SPCS3: variants seen among roughly 807,000 people sequenced by gnomAD.
SPCS3 encodes the protein signal peptidase complex subunit 3, also known as SPase 22 kDa subunit.
SPCS3 carries 9 observed loss-of-function variants against 17.2 expected under a neutral mutation model. The observed-to-expected ratio is 0.52, with a 90% CI of 0.31 to 0.91. The LOEUF is 0.91. SPCS3 is among the 40% of genes least tolerant of loss of function. The probability of loss-of-function intolerance (pLI) is 0.04; values close to 1 mark genes in which losing one functional copy is unlikely to be tolerated. For synonymous variants in SPCS3, 87 were observed against 89.6 expected, an observed-to-expected ratio of 0.97 and a Z score of 0.16; for missense variants, 139 against 217.5, an observed-to-expected ratio of 0.64 and a Z score of 2.27.
chr4:176,321,869 A>C, intron 1 of SPCS3: 1 of 205,868 alleles, frequency 4.9e-6, no homozygotes, highest in Non-Finnish European at 9.8e-6. Context: ...GCTTTCTTCT[A>C]CCCATTCTGC....
At chr4:176,326,174 G>A (rs377230957) in intron 3 of SPCS3, among the ~76,000 whole-genome samples, 7 of 151,824 alleles carry the variant, frequency 4.6e-5, no homozygotes, top group East Asian at 3.9e-4. Context: ...AGTGGTGCGC[G>A]CCTGTAATCC....
chr4:176,320,920 TGAA>T (rs1250456985), intron 1 of SPCS3: 8 of 152,208 alleles, frequency 5.3e-5, no homozygotes, highest in Non-Finnish European at 1.5e-5. Flanking sequence ...GCCAACCACT[TGAA>T]GAAGTCTGCG....
At chr4:176,326,534 A>G (rs1731610101) in intron 3 of SPCS3, among the ~76,000 whole-genome samples, 1 of 152,192 alleles carries the variant, frequency 6.6e-6, no homozygotes, top group Non-Finnish European at 1.5e-5. Context: ...TCTGACCTCT[A>G]GAATTTTGCC....
intron 1 of SPCS3, chr4:176,321,286 A>G (rs544467647): frequency 4.6e-5 from 7 of 152,224 alleles, no homozygotes; most frequent in Admixed American, 4.6e-4. Context: ...GGTGCATATT[A>G]AACACTGAAC....
intron 1 of SPCS3, chr4:176,320,449 C>G: frequency 7.0e-6 from 2 of 286,356 alleles, no homozygotes; most frequent in Non-Finnish European, 1.3e-5. Flanking sequence ...CGGGCTTGCT[C>G]TTAAATTTTA....
chr4:176,327,438 T>G, intron 4 of SPCS3, 161 bp downstream of exon 4: 1 of 465,622 alleles, frequency 2.1e-6, no homozygotes, highest in Non-Finnish European at 3.9e-6. Context: ...AAATGCAAAG[T>G]GAGATCTAAG....
chr4:176,330,114 A>G lies in SPCS3; in HGVS notation c.*1784A>G, dbSNP rs1731663911. The G allele has an allele frequency of 6.6e-6, 1 of 152,208 alleles. No individual in the cohort carries two copies. Among genetic ancestry groups the G allele is most frequent in the African/African-American group, 2.4e-5 (1 of 41,454 alleles). The allele number at this position is 152,208 out of a possible 1,614,324, so 9.4% of individuals were successfully genotyped here. On this transcript the variant is annotated 3_prime_UTR_variant, in exon 5 of 5. Transcript: ENST00000503362. ...CCTTTTACACCACACAAGTTGATAA[A>G]ATTTATCTGTTCAGCAAAGAGATTG... is the stretch of plus-strand genomic sequence containing the variant.
At chr4:176,321,573 C>T (rs1731539105) in intron 1 of SPCS3, 1 of 152,214 alleles carries the variant, frequency 6.6e-6, no homozygotes, top group Admixed American at 6.5e-5. Flanking sequence ...TTTTCCTATA[C>T]CGTACATACA....
chr4:176,321,118 A>C (rs1731532143), intron 1 of SPCS3: 1 of 151,044 alleles, frequency 6.6e-6, no homozygotes, highest in Admixed American at 6.6e-5. Flanking sequence ...CTTTGTCAGA[A>C]TCGCCAAGAA....
At chr4:176,320,715 G>A (rs1221973559) in intron 1 of SPCS3, 2 of 152,586 alleles carry the variant, frequency 1.3e-5, no homozygotes, top group Non-Finnish European at 2.9e-5. Flanking sequence ...TTGTCTTTGT[G>A]TCATTCATCA....
At chr4:176,324,892 C>A (rs1285683142) in intron 3 of SPCS3, among the ~76,000 whole-genome samples, 5 of 152,022 alleles carry the variant, frequency 3.3e-5, no homozygotes, top group Non-Finnish European at 5.9e-5. Flanking sequence ...TAAAAAAACA[C>A]AAAGACAACC....
rs1303676981 is a variant in SPCS3, at chr4:176,331,380, T to C, written c.*3050T>C. Reference sequence around the variant, plus strand: ...TGAACATTGGTAGCAAACAAGCATATATTCATTTCAAAACTTTCCTTGCTT... The same window carrying C: ...TGAACATTGGTAGCAAACAAGCATACATTCATTTCAAAACTTTCCTTGCTT... On this transcript the variant is annotated 3_prime_UTR_variant, in exon 5 of 5. Transcript: ENST00000503362. 6.6e-6 allele frequency: 1 copy of C among 152,128 alleles called. No individual in the cohort carries two copies. The highest frequency in any genetic ancestry group is 1.5e-5 in the Non-Finnish European group (1 of 68,026). 9.4% of individuals were successfully genotyped at this position (152,128 alleles called of 1,614,324 possible).
At chr4:176,327,873 A>G (rs1579359415) in intron 4 of SPCS3, among the ~76,000 whole-genome samples, 1 of 152,222 alleles carries the variant, frequency 6.6e-6, no homozygotes, top group East Asian at 1.9e-4. Context: ...TTAGGCTTCA[A>G]ATCATTGCTC....
chr4:176,325,072 A>T (rs1401077228), intron 3 of SPCS3, among the ~76,000 whole-genome samples: 1 of 142,108 alleles, frequency 7.0e-6, no homozygotes, highest in South Asian at 2.2e-4. Flanking sequence ...TTTTTTTAAG[A>T]CAGAGTCTCG....
In SPCS3 at chr4:176,328,436, GTTTT is replaced by G. The variant is rs55821823; in HGVS notation, c.*122_*125del. 3.2e-3 allele frequency: 1,498 copies of G among 473,606 alleles called. 11 individuals are homozygous for G. Among genetic ancestry groups the G allele is most frequent in the Non-Finnish European group, 3.6e-3 (1,176 of 330,470 alleles). 29.3% of individuals were successfully genotyped at this position (473,606 alleles called of 1,614,324 possible). Reference sequence around the variant, plus strand: ...TTGTTGGTTTGTTTTTTGGTTTTGGGTTTTTTTTTTTTTTTTTTTGGTATAAGAA... The same window carrying G: ...TTGTTGGTTTGTTTTTTGGTTTTGGGTTTTTTTTTTTTTTTGGTATAAGAA... On this transcript the variant is annotated 3_prime_UTR_variant, in exon 5 of 5. Coordinates refer to ENST00000503362, the MANE Select transcript of SPCS3 (RefSeq NM_021928.4).
At position 176,330,429 on chromosome 4, in the gene SPCS3, G is replaced by A. The variant is rs1229472535; in HGVS notation, c.*2099G>A. 1.3e-5 allele frequency: 2 copies of A among 152,218 alleles called. No individual in the cohort carries two copies. Among genetic ancestry groups the A allele is most frequent in the African/African-American group, 4.8e-5 (2 of 41,462 alleles). 9.4% of individuals were successfully genotyped at this position (152,218 alleles called of 1,614,324 possible). ...GATGAGTGGATCTGTTAGTCTGGTA[G>A]AGATTAATGTTGAAATTTACTTGAA... is the stretch of plus-strand genomic sequence containing the variant. On this transcript the variant is annotated 3_prime_UTR_variant, in exon 5 of 5. Coordinates refer to ENST00000503362, the MANE Select transcript of SPCS3 (RefSeq NM_021928.4).
chr4:176,329,680 T>C lies in SPCS3; in HGVS notation c.*1350T>C, dbSNP rs1027743310. 2.6e-5 allele frequency: 4 copies of C among 152,216 alleles called. No homozygotes were observed. The highest frequency in any genetic ancestry group is 9.6e-5 in the African/African-American group (4 of 41,544). The allele number at this position is 152,216 out of a possible 1,614,324, so 9.4% of individuals were successfully genotyped here. On this transcript the variant is annotated 3_prime_UTR_variant, in exon 5 of 5. Transcript: ENST00000503362. ...ACATAATACATGATTGAATACATGA[T>C]CGTATTTAACATGTTTTTTTTTTCT...
At position 176,328,322 on chromosome 4, in the gene SPCS3, A is replaced by C; in HGVS notation, c.535A>C (p.Ser179Arg). Residue 179 changes from serine to arginine, a missense_variant, in exon 5 of 5, where the codon AGT (serine) becomes CGT (arginine). Physicochemically the swap from Ser to Arg is moderately radical, Grantham distance 110 (BLOSUM62 -1). Coordinates refer to ENST00000503362, the MANE Select transcript of SPCS3 (RefSeq NM_021928.4). ...TCCAGATACATATGAAATAACGAAG[A>C]GTTATTAAATTATTCTGAATTTGAA... is the stretch of plus-strand genomic sequence containing the variant. The part of the protein sequence containing the change: ...PFPDTYEITK[S>R]Y 5.7e-6 allele frequency: 9 copies of C among 1,588,212 alleles called. No homozygotes were observed. Among genetic ancestry groups the C allele is most frequent in the Non-Finnish European group, 7.7e-6 (9 of 1,167,484 alleles).
chr4:176,320,325 C>T, intron 1 of SPCS3, 106 bp downstream of exon 1: 1 of 1,080,062 alleles, frequency 9.3e-7, no homozygotes, highest in Non-Finnish European at 1.2e-6. Context: ...GCGGGCAGGG[C>T]GTCCGGATCG....
Sources: allele counts gnomAD v4.1 joint callset (sites outside exome capture counted in the v4.1 genomes callset), GRCh38; gene constraint gnomAD v4.1.1; transcripts MANE v1.5; gene names NCBI Gene and HGNC (gene_info 2026-07-23, HGNC 2026-07-21).